Variants in ZNF320 observed in about 807,000 individuals in gnomAD.
ZNF320 encodes the protein zinc finger gene 320.
In ZNF320, 2 loss-of-function variants were observed where a neutral mutation model predicts 6.8. That is an observed-to-expected ratio of 0.29 (90% confidence interval 0.12 to 0.93). The LOEUF (loss-of-function observed/expected upper bound fraction) is 0.93. Ranked by LOEUF, ZNF320 falls within the 40% of genes least tolerant of loss-of-function variation. The pLI is 0.55. For synonymous variants in ZNF320, 208 were observed against 203.2 expected, an observed-to-expected ratio of 1.02 and a Z score of -0.20; for missense variants, 472 against 611.0, an observed-to-expected ratio of 0.77 and a Z score of 2.40.
In ZNF320 at chr19:52,879,109, A is replaced by G. The variant is rs1007196693; in HGVS notation, c.*1487T>C. ...GCCTCAAACCAAACCCTGTTCAGACATGTTATAACGGATTTGTATCAGTTT... is the reference window on the plus strand; with the variant it reads ...GCCTCAAACCAAACCCTGTTCAGACGTGTTATAACGGATTTGTATCAGTTT... On this transcript the variant is annotated 3_prime_UTR_variant, in exon 6 of 6. Transcript: ENST00000682928. The G allele has an allele frequency of 2.0e-5, 3 of 152,206 alleles. No individual in the cohort carries two copies. The highest frequency in any genetic ancestry group is 1.3e-4 in the Admixed American group (2 of 15,282). 9.4% of individuals were successfully genotyped at this position (152,206 alleles called of 1,614,324 possible).
chr19:52,891,452 G>C (rs1043393378), intron 2 of ZNF320, 106 bp from the exon 3 acceptor site: 22 of 152,628 alleles, frequency 1.4e-4, no homozygotes, highest in African/African-American at 4.3e-4. Context: ...AGATGGGGGT[G>C]GGAGGGCATG....
chr19:52,862,680 C>T lies in ZNF320; in HGVS notation c.*1349G>A, dbSNP rs189449557. The T allele has an allele frequency of 1.6e-3, 960 of 588,720 alleles. 1 individual carries two copies. The highest frequency in any genetic ancestry group is 2.1e-3 in the Non-Finnish European group (724 of 344,398). The allele number at this position is 588,720 out of a possible 1,614,324, so 36.5% of individuals were successfully genotyped here. On this transcript the variant is annotated 3_prime_UTR_variant, in exon 6 of 6. Coordinates refer to the ZNF320 transcript ENST00000673631. ...CACTCATTACACTTGTAAGGTTTCT[C>T]TCCAGTGTGAATTTCAGTATGTTCT... is the stretch of plus-strand genomic sequence containing the variant.
intron 5 of ZNF320, among the ~76,000 whole-genome samples, chr19:52,864,968 G>A (rs957405125): frequency 5.3e-5 from 8 of 151,846 alleles, no homozygotes; most frequent in South Asian, 4.2e-4. Flanking sequence ...AGCCGAGATC[G>A]GGCCACTACA....
chr19:52,866,742 A>G (rs1180764399), intron 5 of ZNF320, among the ~76,000 whole-genome samples: 1 of 151,994 alleles, frequency 6.6e-6, no homozygotes, highest in Non-Finnish European at 1.5e-5. Flanking sequence ...ATGATGGCAC[A>G]TACCTGTAAT....
At chr19:52,899,186 C>T (rs1386454144), upstream of ZNF320, among the ~76,000 whole-genome samples, 1 of 152,172 alleles carries the variant, frequency 6.6e-6, no homozygotes, top group East Asian at 1.9e-4. Flanking sequence ...AACAAGAGAG[C>T]AGTAAGCAGC....
chr19:52,866,086 ATATTTATATATG>A (rs1568694028), intron 5 of ZNF320, among the ~76,000 whole-genome samples: 892 of 71,668 alleles, frequency 0.012, 81 homozygotes, highest in Non-Finnish European at 0.02. Flanking sequence ...GATTATACAT[ATATTTATATATG>A]TATGATTATA....
intron 5 of ZNF320, among the ~76,000 whole-genome samples, chr19:52,869,220 G>A (rs1014197946): frequency 6.6e-6 from 1 of 152,172 alleles, no homozygotes; most frequent in African/African-American, 2.4e-5. Context: ...ATTACAATAT[G>A]GGCAAGGGAC....
At chr19:52,871,739 A>G (rs770870654), downstream of ZNF320, among the ~76,000 whole-genome samples, 6 of 152,184 alleles carry the variant, frequency 3.9e-5, no homozygotes, top group Non-Finnish European at 7.3e-5. Context: ...AAACACTGAA[A>G]AAGAGGCAGC....
At chr19:52,882,809 T>C (rs1405599650) in intron 5 of ZNF320, among the ~76,000 whole-genome samples, 1 of 152,016 alleles carries the variant, frequency 6.6e-6, no homozygotes, top group Non-Finnish European at 1.5e-5. Context: ...GGCATGGTCA[T>C]GGGCAGCTGT....
downstream of ZNF320, among the ~76,000 whole-genome samples, chr19:52,872,331 G>C (rs1390840999): frequency 6.6e-6 from 1 of 152,144 alleles, no homozygotes; most frequent in Admixed American, 6.5e-5. Flanking sequence ...GTACTGAAGG[G>C]GGCCTGCCCC....
downstream of ZNF320, among the ~76,000 whole-genome samples, chr19:52,875,581 A>C (rs1054531046): frequency 2.6e-5 from 4 of 152,304 alleles, no homozygotes; most frequent in South Asian, 2.1e-4. Context: ...ACTATTTGGC[A>C]AAGTATTTCA....
rs954214469 is a variant in ZNF320 at position 52,880,885 on chromosome 19, T to G, written c.1241A>C (p.Glu414Ala). Reference sequence around the variant, plus strand: ...GTAAACTTTGTCACATTCTTCACATTCGTAAAGTTTCTCTCCAGTATGAAG... The same window carrying G: ...GTAAACTTTGTCACATTCTTCACATGCGTAAAGTTTCTCTCCAGTATGAAG... Reference protein sequence around the residue: ...QKLHTGEKLYECEECDKVYIR... With the variant: ...QKLHTGEKLYACEECDKVYIR... The change falls in exon 6 of 6, where the codon GAA becomes GCA. Residue 414 changes from glutamate to alanine, a missense_variant. This residue lies in a region of ZNF320 where 462 missense variants were observed against 559.7 expected (regional missense o/e 0.83). Coordinates refer to ENST00000682928, the MANE Select transcript of ZNF320 (RefSeq NM_001351774.2). 1.9e-6 allele frequency: 3 copies of G among 1,613,842 alleles called. No individual in the cohort carries two copies. The highest frequency in any genetic ancestry group is 1.7e-5 in the Admixed American group (1 of 60,006).
chr19:52,890,077 G>A (rs776956517), intron 4 of ZNF320, among the ~76,000 whole-genome samples, 164 bp downstream of exon 4: 2 of 152,064 alleles, frequency 1.3e-5, no homozygotes, highest in Non-Finnish European at 2.9e-5. Context: ...TTGGTCACAG[G>A]AGATAAAATC....
At chr19:52,884,937 A>T (rs563921298) in intron 5 of ZNF320, among the ~76,000 whole-genome samples, 13 of 152,216 alleles carry the variant, frequency 8.5e-5, no homozygotes, top group African/African-American at 3.1e-4. Context: ...CATGTAGGGC[A>T]TGGTAATCCC....
intron 5 of ZNF320, chr19:52,864,180 A>T: frequency 4.2e-6 from 1 of 238,198 alleles, no homozygotes; most frequent in South Asian, 6.2e-5. Flanking sequence ...AAACACGTTT[A>T]AATAAAACAT....
At chr19:52,865,932 T>C (rs1167670008) in intron 5 of ZNF320, among the ~76,000 whole-genome samples, 8 of 123,966 alleles carry the variant, frequency 6.5e-5, no homozygotes, top group Non-Finnish European at 1.1e-4. Context: ...TATATGATTA[T>C]ACACATATAT....
At chr19:52,864,810 G>A (rs10414653) in intron 5 of ZNF320, among the ~76,000 whole-genome samples, 76,685 of 151,034 alleles carry the variant, frequency 0.51, 19,812 homozygotes, top group African/African-American at 0.59. Context: ...TCAGGAGATC[G>A]AGACCATCCT....
At chr19:52,882,259 C>T (rs574404270) in intron 5 of ZNF320, among the ~76,000 whole-genome samples, 10 of 152,244 alleles carry the variant, frequency 6.6e-5, no homozygotes, top group African/African-American at 2.4e-4. Flanking sequence ...TATTTTTCCA[C>T]TTTAATCCTA....
chr19:52,866,072 A>ATATGATTATACATATATTTATATG (rs2063561018), intron 5 of ZNF320, among the ~76,000 whole-genome samples: 1 of 112,960 alleles, frequency 8.9e-6, no homozygotes, highest in East Asian at 2.3e-4. Flanking sequence ...ATATTTATAT[A>ATATGATTATACATATATTTATATG]TATGATTATA....
Sources: allele counts gnomAD v4.1 joint callset (sites outside exome capture counted in the v4.1 genomes callset), GRCh38; gene constraint gnomAD v4.1.1; regional missense constraint gnomAD v4.1.1; transcripts MANE v1.5; gene names NCBI Gene and HGNC (gene_info 2026-07-23, HGNC 2026-07-21).